Variants in UNC79 observed in about 807,000 individuals in gnomAD.
UNC79 encodes the protein unc-79 subunit of NALCN channel complex.
Under a neutral mutation model 283.1 loss-of-function variants are expected in UNC79, and 37 were observed. The ratio of observed to expected loss-of-function variants is 0.13; its 90% CI spans 0.10 to 0.17. The LOEUF (loss-of-function observed/expected upper bound fraction) is 0.17, where lower values mean the gene tolerates loss of function less well. UNC79 is among the 10% of genes least tolerant of loss of function. UNC79 has a pLI of 1.00. For missense variants in UNC79, 2,272 were observed against 3,211.1 expected (o/e 0.71, Z 7.07); for synonymous variants, 1,107 against 1,200.2 (o/e 0.92, Z 1.61).
At chr14:93,695,890 C>CAAAAAAAAAAAAAAAAAAAAAAAAAAAAA (rs535235954) in intron 47 of UNC79, among the ~76,000 whole-genome samples, 9 of 39,420 alleles carry the variant, frequency 2.3e-4, no homozygotes, top group East Asian at 2.2e-3. Context: ...GACTTTGTCT[C>CAAAAAAAAAAAAAAAAAAAAAAAAAAAAA]AAAAAAAAAA....
chr14:93,490,783 A>C (rs1272650579), intron 5 of UNC79, among the ~76,000 whole-genome samples: 3 of 152,160 alleles, frequency 2.0e-5, no homozygotes, highest in African/African-American at 4.8e-5. Flanking sequence ...AATTGCTTTT[A>C]AAGGTCTATT....
At chr14:93,694,450 CT>C in intron 47 of UNC79, 38 bp downstream of exon 50, 1 of 1,547,796 alleles carries the variant, frequency 6.5e-7, no homozygotes, top group Non-Finnish European at 8.9e-7. Context: ...CCATTTCTTA[CT>C]GCTAAAAACA....
intron 27 of UNC79, among the ~76,000 whole-genome samples, chr14:93,615,744 A>AG (rs2066670743): frequency 7.1e-6 from 1 of 141,648 alleles, no homozygotes; most frequent in African/African-American, 2.8e-5. Flanking sequence ...AAAAAAAAAA[A>AG]AGAAAAGAAG....
At chr14:93,371,205 C>T (rs988108415) in intron 1 of UNC79, among the ~76,000 whole-genome samples, 5 of 150,858 alleles carry the variant, frequency 3.3e-5, no homozygotes, top group East Asian at 4.0e-4. Context: ...CTGGCTAACA[C>T]GGTGAAACTC....
In UNC79 at chr14:93,643,551, T is replaced by C; in HGVS notation, c.5904-6T>C. On this transcript the variant is annotated splice_region_variant and splice_polypyrimidine_tract_variant and intron_variant, in intron 33 of 48. Coordinates refer to ENST00000555664, the Ensembl canonical transcript of UNC79. ...CATGGAAAGCATGTCTCTCTTTTCT[T>C]TGCAGATGCCATGACTGTGGGGCCA... 1 of 1,613,896 alleles carries C rather than the reference T, an allele frequency of 6.2e-7. No individual in the cohort carries two copies. The highest frequency in any genetic ancestry group is 8.5e-7 in the Non-Finnish European group (1 of 1,180,036).
At chr14:93,612,874 C>A (rs1465336177) in exon 27 of UNC79, 1 of 1,614,124 alleles carries the variant, frequency 6.2e-7, no homozygotes, top group Non-Finnish European at 8.5e-7. Context: ...CCAGACAGTT[C>A]ACCAGCTGAT....
chr14:93,509,888 G>A (rs530401673), intron 7 of UNC79, among the ~76,000 whole-genome samples: 1 of 152,230 alleles, frequency 6.6e-6, no homozygotes, highest in African/African-American at 2.4e-5. Flanking sequence ...TCTGTGTACG[G>A]GCTTCAACTC....
intron 7 of UNC79, among the ~76,000 whole-genome samples, chr14:93,506,834 C>T (rs2059568298): frequency 6.6e-6 from 1 of 152,138 alleles, no homozygotes; most frequent in African/African-American, 2.4e-5. Flanking sequence ...GTATAATGCT[C>T]ATGTAGTCGT....
intron 7 of UNC79, among the ~76,000 whole-genome samples, chr14:93,513,223 TTTCCTTCC>T (rs71463912): frequency 4.6e-5 from 3 of 65,550 alleles, no homozygotes; most frequent in Non-Finnish European, 6.7e-5. Flanking sequence ...TCCTTCCTTC[TTTCCTTCC>T]TTCCTTCCTA....
At chr14:93,705,826 G>A (rs1316443975) in intron 48 of UNC79, among the ~76,000 whole-genome samples, 1 of 152,222 alleles carries the variant, frequency 6.6e-6, no homozygotes, top group Non-Finnish European at 1.5e-5. Flanking sequence ...TCTTCTCCGA[G>A]TTGGGGAGGG....
At chr14:93,508,203 C>T (rs1296672792) in intron 7 of UNC79, among the ~76,000 whole-genome samples, 8 of 142,908 alleles carry the variant, frequency 5.6e-5, no homozygotes, top group South Asian at 2.2e-4. Context: ...CAATTTCTGT[C>T]GAAAAAAAAA....
intron 35 of UNC79, among the ~76,000 whole-genome samples, chr14:93,652,796 C>T (rs190071126): frequency 2.2e-4 from 33 of 152,294 alleles, no homozygotes; most frequent in Non-Finnish European, 2.9e-4. Context: ...TGTCTGTCCT[C>T]TTCCCATTTC....
chr14:93,688,610 C>T lies in UNC79; in HGVS notation c.6910-55C>T. The stretch of plus-strand genomic sequence containing the variant: ...ACAACCTCTTCTTTTCAAAGAATGG[C>T]CTGGAATGAATCCAGGTGTCTGCCA... On this transcript the variant is annotated intron_variant, in intron 43 of 48. Coordinates refer to ENST00000555664, the Ensembl canonical transcript of UNC79. The surrounding 1 kb of genome is among the most constrained non-coding windows in gnomAD (Gnocchi z 4.0). The T allele has an allele frequency of 6.4e-7, 1 of 1,567,512 alleles. No homozygotes were observed. Among genetic ancestry groups the T allele is most frequent in the South Asian group, 1.2e-5 (1 of 83,296 alleles).
At chr14:93,695,890 C>CAAAAA (rs535235954) in intron 47 of UNC79, among the ~76,000 whole-genome samples, 774 of 39,386 alleles carry the variant, frequency 0.02, 61 homozygotes, top group Middle Eastern at 0.083. Flanking sequence ...GACTTTGTCT[C>CAAAAA]AAAAAAAAAA....
At chr14:93,564,891 C>G (rs1297220791) in intron 14 of UNC79, among the ~76,000 whole-genome samples, 1 of 152,068 alleles carries the variant, frequency 6.6e-6, no homozygotes, top group Non-Finnish European at 1.5e-5. Context: ...TTTTAATTTC[C>G]AATTACTTCA....
chr14:93,363,221 C>T (rs914913720), intron 1 of UNC79, among the ~76,000 whole-genome samples: 1 of 152,078 alleles, frequency 6.6e-6, no homozygotes, highest in Admixed American at 6.5e-5. Flanking sequence ...TCATTGTTTA[C>T]CCAAAAGTCA....
At chr14:93,487,718 C>T (rs780922141) in exon 5 of UNC79, 3 of 1,614,044 alleles carry the variant, frequency 1.9e-6, no homozygotes, top group East Asian at 2.2e-5. Flanking sequence ...CTGCATCATC[C>T]ATGCTAATGA....
chr14:93,661,525 A>G (rs946037773), intron 39 of UNC79, among the ~76,000 whole-genome samples: 1 of 152,192 alleles, frequency 6.6e-6, no homozygotes, highest in Non-Finnish European at 1.5e-5. Flanking sequence ...TTAAAATCCT[A>G]TCTTCTCTGC....
chr14:93,560,624 G>A, intron 14 of UNC79, among the ~76,000 whole-genome samples: 1 of 152,084 alleles, frequency 6.6e-6, no homozygotes, highest in East Asian at 1.9e-4. Context: ...AGTGTCATGA[G>A]GGGAACAGGG....
Sources: gnomAD v4.1 joint callset for allele counts (sites outside exome capture counted in the v4.1 genomes callset) on GRCh38, gnomAD v4.1.1 for gene constraint, Gnocchi (gnomAD v3.1) non-coding constraint, MANE v1.5 for transcripts, NCBI Gene and HGNC (gene_info 2026-07-23, HGNC 2026-07-21) for gene names.